Variants in WNT5A observed in about 807,000 individuals in gnomAD.
The protein encoded by WNT5A is protein Wnt-5a.
Under a neutral mutation model 42.1 loss-of-function variants are expected in WNT5A, and 9 were observed. That is an observed-to-expected ratio of 0.21 (90% confidence interval 0.13 to 0.37). WNT5A has a LOEUF of 0.37. Ranked by LOEUF, WNT5A falls within the 10% of genes least tolerant of loss-of-function variation. The pLI is 1.00. For synonymous variants in WNT5A, 210 were observed against 210.0 expected, an observed-to-expected ratio of 1.00 and a Z score of 0.00; for missense variants, 426 against 534.0, an observed-to-expected ratio of 0.80 and a Z score of 1.99.
At position 55,468,288 on chromosome 3, in the gene WNT5A, GA is replaced by G. The variant is rs1269050387; in HGVS notation, c.*1803del. The G allele has an allele frequency of 6.6e-6, 1 of 152,086 alleles. No individual in the cohort carries two copies. Among genetic ancestry groups the G allele is most frequent in the African/African-American group, 2.4e-5 (1 of 41,406 alleles). The allele number at this position is 152,086 out of a possible 1,614,324, so 9.4% of individuals were successfully genotyped here. ...AACATTGCTGATGCTTCTGAGTTTT[GA>G]ATATCTCTTAACGTCCATGTCTATA... On this transcript the variant is annotated 3_prime_UTR_variant, in exon 5 of 5. Transcript: ENST00000264634.
At position 55,486,953 on chromosome 3, in the gene WNT5A, A is replaced by C. The variant is rs374191005; in HGVS notation, c.6+27T>G. The C allele has an allele frequency of 1.5e-3, 2,472 of 1,605,914 alleles. 9 individuals carry two copies. Among genetic ancestry groups the C allele is most frequent in the Non-Finnish European group, 2.0e-3 (2,327 of 1,173,278 alleles). On this transcript the variant is annotated intron_variant, in intron 1 of 4. Coordinates refer to ENST00000264634, the MANE Select transcript of WNT5A (RefSeq NM_003392.7). Reference sequence around the variant, plus strand: ...CAGGGGGTGGGGGGAAGTAAAGAAAAAAAGTGGCAGCGCACTGAACACCTA... The same window carrying C: ...CAGGGGGTGGGGGGAAGTAAAGAAACAAAGTGGCAGCGCACTGAACACCTA...
chr3:55,488,543 G>T (rs556685670), upstream of WNT5A, among the ~76,000 whole-genome samples: 2 of 152,162 alleles, frequency 1.3e-5, no homozygotes, highest in Non-Finnish European at 2.9e-5. Flanking sequence ...CGCATGCGTG[G>T]TGAGGCCGGC....
chr3:55,470,797 CA>C (rs2051236758), intron 4 of WNT5A, among the ~76,000 whole-genome samples: 3 of 151,786 alleles, frequency 2.0e-5, no homozygotes, highest in African/African-American at 7.3e-5. Context: ...TTAATAGGAA[CA>C]GGAAAAAAAA....
chr3:55,482,186 C>G (rs1228373266), intron 1 of WNT5A, among the ~76,000 whole-genome samples: 2 of 152,224 alleles, frequency 1.3e-5, no homozygotes, highest in Non-Finnish European at 2.9e-5. Flanking sequence ...CTGGGCGCAT[C>G]GATTCCAGGG....
At position 55,474,474 on chromosome 3, in the gene WNT5A, C is replaced by T. The variant is rs1393089710; in HGVS notation, c.547G>A (p.Gly183Ser). 3.7e-6 allele frequency: 6 copies of T among 1,602,402 alleles called. No individual in the cohort carries two copies. Among genetic ancestry groups the T allele is most frequent in the South Asian group, 2.2e-5 (2 of 89,520 alleles). The stretch of plus-strand genomic sequence containing the variant: ...CGGTAGCCATAGTCGATGTTGTCGC[C>T]GCAGCCGCCCCAGAGCCAGTCCCGC... The part of the protein sequence containing the change: ...LPRDWLWGGC[G>S]DNIDYGYRFA... Residue 183 changes from glycine (G) to serine (S), a missense_variant, in exon 4 of 5, where the codon GGC (glycine) becomes AGC (serine). Gly to Ser is a moderately conservative substitution (Grantham distance 56). Coordinates refer to ENST00000264634, the MANE Select transcript of WNT5A (RefSeq NM_003392.7).
chr3:55,474,313 G>A, intron 4 of WNT5A, 24 bp downstream of exon 4: 1 of 1,612,158 alleles, frequency 6.2e-7, no homozygotes. Context: ...GAGATGCGGG[G>A]CGGGGGCGAG....
intron 3 of WNT5A, among the ~76,000 whole-genome samples, chr3:55,475,381 T>C (rs2106923880): frequency 6.6e-6 from 1 of 152,320 alleles, no homozygotes; most frequent in South Asian, 2.1e-4. Context: ...ATTTTGGCCT[T>C]GTGTCCCCTC....
At position 55,470,268 on chromosome 3, in the gene WNT5A, G is replaced by C; in HGVS notation, c.967C>G (p.Arg323Gly). ...ESTGSLGTQG[R>G]LCNKTSEGMD... is the part of the protein sequence containing the mutation. ...CCCTCCGACGTCTTGTTGCACAGGC[G>C]GCCCTGCGTGCCCAGCGAGCCGGTG... The change falls in exon 5 of 5, where the codon CGC becomes GGC. Residue 323 changes from arginine to glycine, a missense_variant. Around this residue, in one of 3 missense-constraint regions of WNT5A, gnomAD observed 358 missense variants for 468.1 expected, o/e 0.76. Transcript: ENST00000264634. 6.2e-7 allele frequency: 1 copy of C among 1,614,022 alleles called. No homozygotes were observed. The highest frequency in any genetic ancestry group is 8.5e-7 in the Non-Finnish European group (1 of 1,179,924).
intron 1 of WNT5A, among the ~76,000 whole-genome samples, chr3:55,484,474 G>A (rs1371757939): frequency 6.6e-6 from 1 of 152,208 alleles, no homozygotes; most frequent in Admixed American, 6.5e-5. Flanking sequence ...GAGCGGGGTA[G>A]GGGAGGAGGG....
intron 2 of WNT5A, 118 bp from the exon 3 acceptor site, chr3:55,479,682 T>C (rs2051422060): frequency 7.4e-7 from 1 of 1,344,272 alleles, no homozygotes; most frequent in Non-Finnish European, 1.0e-6. Flanking sequence ...CTCCTGCTTG[T>C]CCTCATGACA....
chr3:55,492,779 T>C (rs540779695), upstream of WNT5A, among the ~76,000 whole-genome samples: 33 of 152,352 alleles, frequency 2.2e-4, no homozygotes, highest in East Asian at 5.0e-3. Context: ...ATTCATTGCC[T>C]TGTTTCATCC....
chr3:55,480,258 C>A (rs1016928124), intron 2 of WNT5A, among the ~76,000 whole-genome samples: 22 of 152,194 alleles, frequency 1.4e-4, no homozygotes, highest in African/African-American at 5.3e-4. Context: ...AAAGAAACCC[C>A]CACTTGGGGA....
intron 2 of WNT5A, 127 bp downstream of exon 2, chr3:55,480,658 T>G: frequency 1.0e-6 from 1 of 979,368 alleles, no homozygotes; most frequent in Non-Finnish European, 1.4e-6. Context: ...ATAAGTAAAA[T>G]GTATACATAT....
At chr3:55,486,392 A>C (rs1019411400) in intron 1 of WNT5A, among the ~76,000 whole-genome samples, 1 of 152,166 alleles carries the variant, frequency 6.6e-6, no homozygotes, top group Non-Finnish European at 1.5e-5. Flanking sequence ...TCTTAAAGGC[A>C]AAGGGGCCTG....
At chr3:55,475,571 A>G (rs2051341685) in intron 3 of WNT5A, among the ~76,000 whole-genome samples, 1 of 152,198 alleles carries the variant, frequency 6.6e-6, no homozygotes, top group Admixed American at 6.5e-5. Flanking sequence ...TTCAAGAATG[A>G]GTGTCTGCTT....
intron 3 of WNT5A, among the ~76,000 whole-genome samples, chr3:55,476,973 G>C (rs1398649956): frequency 1.3e-5 from 2 of 152,196 alleles, no homozygotes; most frequent in Non-Finnish European, 2.9e-5. Context: ...CCTTCATGAA[G>C]TAATTGTGCA....
At chr3:55,476,834 T>C (rs946969695) in intron 3 of WNT5A, among the ~76,000 whole-genome samples, 1 of 152,164 alleles carries the variant, frequency 6.6e-6, no homozygotes, top group East Asian at 1.9e-4. Context: ...CTCACACCCC[T>C]TACAAATGGT....
At chr3:55,472,486 G>A (rs1231173836) in intron 4 of WNT5A, among the ~76,000 whole-genome samples, 2 of 152,304 alleles carry the variant, frequency 1.3e-5, no homozygotes, top group East Asian at 3.9e-4. Context: ...ATACATCCCT[G>A]AAGAGGGTGA....
the WNT5A span, among the ~76,000 whole-genome samples, chr3:55,504,471 C>CTT: frequency 2.6e-4 from 37 of 142,030 alleles, no homozygotes; most frequent in Non-Finnish European, 4.1e-4. Flanking sequence ...GGGTAAACCC[C>CTT]TTTTTTTTTT....
Sources: gnomAD v4.1 joint callset for allele counts (sites outside exome capture counted in the v4.1 genomes callset) on GRCh38, gnomAD v4.1.1 for gene constraint, gnomAD v4.1.1 regional missense constraint, MANE v1.5 for transcripts, NCBI Gene and HGNC (gene_info 2026-07-23, HGNC 2026-07-21) for gene names.